Variants in VPS13C observed in about 807,000 individuals in gnomAD.
The protein encoded by VPS13C is vacuolar protein sorting 13 homolog C.
A neutral mutation model predicts 456.8 loss-of-function variants in VPS13C; 358 were observed. That is an observed-to-expected ratio of 0.78 (90% CI 0.72 to 0.86). The LOEUF is 0.86. VPS13C is among the 40% of genes least tolerant of loss of function. The pLI, the probability that VPS13C is intolerant of heterozygous loss-of-function variation, is 0.00. For synonymous variants in VPS13C, 1,578 were observed against 1,486.7 expected (o/e 1.06, Z -1.41); for missense variants, 4,818 against 4,385.4 (o/e 1.10, Z -2.79).
intron 1 of VPS13C, among the ~76,000 whole-genome samples, chr15:62,047,299 TG>T (rs2048442887): frequency 6.6e-6 from 1 of 151,758 alleles, no homozygotes. Context: ...ATGGGCATGG[TG>T]GCATGAGCCT....
rs768184321 is a variant in VPS13C at position 61,884,287 on chromosome 15, A to G, written c.9342-18T>C. ...CACCAGAACTAAATAATTCACACAA[A>G]AAAATTAAATTAGCAATATGTATTT... On this transcript the variant is annotated intron_variant, in intron 67 of 84. Coordinates refer to ENST00000644861, the MANE Select transcript of VPS13C (RefSeq NM_020821.3). The G allele has an allele frequency of 6.9e-6, 11 of 1,605,314 alleles. No individual in the cohort carries two copies. The East Asian group carries it at 2.2e-4, about 33-fold the overall frequency.
At chr15:61,964,896 C>T in intron 30 of VPS13C, 35 bp from the exon 31 acceptor site, 1 of 1,581,640 alleles carries the variant, frequency 6.3e-7, no homozygotes. Context: ...TAGTTTTCCA[C>T]AGCCAATTAT....
At chr15:61,961,512 G>A in intron 35 of VPS13C, 77 bp downstream of exon 35, 1 of 1,376,226 alleles carries the variant, frequency 7.3e-7, no homozygotes, top group Non-Finnish European at 9.7e-7. Context: ...ACTGTGTTGG[G>A]TAGGAATTTC....
In VPS13C at chr15:61,878,740, A is replaced by G. The variant is rs770691612; in HGVS notation, c.10009T>C (p.Leu3337=). 1.2e-5 allele frequency: 19 copies of G among 1,602,928 alleles called. No individual in the cohort carries two copies. The Admixed American group carries it at 2.1e-4, about 18-fold the overall frequency. Reference sequence around the variant, plus strand: ...CCTCCGGAACCCAAAGACAAACTCAAATGCAACTAAAAGAAAAATAATGTT... The same window carrying G: ...CCTCCGGAACCCAAAGACAAACTCAGATGCAACTAAAAGAAAAATAATGTT... ...HFHISPVKLH[L]SLSLGSGGEE... The change falls in exon 74 of 85, where the codon TTG becomes CTG. Residue 3337 remains leucine (L), a synonymous_variant. Coordinates refer to ENST00000644861, the MANE Select transcript of VPS13C (RefSeq NM_020821.3).
chr15:61,938,276 G>A (rs2044295066), intron 47 of VPS13C, among the ~76,000 whole-genome samples: 1 of 151,884 alleles, frequency 6.6e-6, no homozygotes, highest in Non-Finnish European at 1.5e-5. Flanking sequence ...TGGGGTGGGG[G>A]GGGAACAAGT....
Position 61,915,716 on chromosome 15 carries a change from C to T in VPS13C, c.8362G>A (p.Asp2788Asn). 2 of 1,614,064 alleles carry T rather than the reference C, an allele frequency of 1.2e-6. No individual in the cohort carries two copies. Among genetic ancestry groups the T allele is most frequent in the Non-Finnish European group, 1.7e-6 (2 of 1,179,998 alleles). ...TTRVLQYRSE[D>N]IHVKHPADFR... ...TCAGCTGGATGTTTCACATGAATAT[C>T]TTCTGAACGATACTGGAGAACCCGG... The change falls in exon 61 of 85, where the codon GAT (aspartate) becomes AAT (asparagine). Residue 2788 changes from aspartate (D) to asparagine (N), a missense_variant. By Grantham distance (23) the Asp-to-Asn change is conservative (BLOSUM62 1). Transcript: ENST00000644861.
At chr15:61,864,945 T>A (rs1346828953) in intron 81 of VPS13C, 1 of 979,978 alleles carries the variant, frequency 1.0e-6, no homozygotes, top group Non-Finnish European at 1.2e-6. Flanking sequence ...ACTTTCTATC[T>A]TGTATGTATT....
chr15:62,051,441 C>A (rs2048614280), intron 1 of VPS13C, among the ~76,000 whole-genome samples: 1 of 152,182 alleles, frequency 6.6e-6, no homozygotes, highest in Non-Finnish European at 1.5e-5. Context: ...AAATGACTAG[C>A]CCAAGAATCC....
intron 64 of VPS13C, 50 bp downstream of exon 64, chr15:61,910,127 A>C (rs1321294806): frequency 9.3e-7 from 1 of 1,074,184 alleles, no homozygotes; most frequent in Non-Finnish European, 1.2e-6. Flanking sequence ...AAAGTATAAT[A>C]AAAAATTAAA....
chr15:62,000,845 G>A (rs866238280), intron 15 of VPS13C, among the ~76,000 whole-genome samples: 24 of 152,132 alleles, frequency 1.6e-4, no homozygotes, highest in Middle Eastern at 6.8e-3. Context: ...ATTAAATATA[G>A]TATGAAAATA....
chr15:61,949,505 G>C lies in VPS13C; in HGVS notation c.4697C>G (p.Ser1566Cys). ...TGGTTTCAGCTCGGATTCCTTCTCA[G>C]AAGAGGAAGGCTCAGAGAATGGAGC... ...SAAPFSEPSS[S>C]EKESELKPLV... Residue 1566 changes from serine (S) to cysteine (C), a missense_variant, in exon 42 of 85, where the codon TCT becomes TGT. Transcript: ENST00000644861. 1 of 1,613,614 alleles carries C rather than the reference G, an allele frequency of 6.2e-7. No individual in the cohort carries two copies. Among genetic ancestry groups the C allele is most frequent in the South Asian group, 1.1e-5 (1 of 90,948 alleles).
intron 9 of VPS13C, among the ~76,000 whole-genome samples, chr15:62,018,347 G>A (rs2047335330): frequency 6.6e-6 from 1 of 151,890 alleles, no homozygotes; most frequent in Admixed American, 6.6e-5. Flanking sequence ...GTGAGAGAGG[G>A]CATCCCTGTC....
At chr15:61,904,789 T>A (rs2043107172) in intron 66 of VPS13C, among the ~76,000 whole-genome samples, 1 of 152,112 alleles carries the variant, frequency 6.6e-6, no homozygotes, top group Admixed American at 6.5e-5. Flanking sequence ...GAATGTAATA[T>A]TATTCAGTAA....
rs186777161 is a variant in VPS13C, at chr15:61,885,386, T to C, written c.9342-1117A>G. Reference sequence around the variant, plus strand: ...AAAAATTAATTTCCAAAGCCACTATTATTGGTGTTTAGTCATAGTGGTTGA... The same window carrying C: ...AAAAATTAATTTCCAAAGCCACTATCATTGGTGTTTAGTCATAGTGGTTGA... On this transcript the variant is annotated intron_variant, in intron 67 of 84. Coordinates refer to ENST00000644861, the MANE Select transcript of VPS13C (RefSeq NM_020821.3). 1.9e-3 allele frequency among the ~76,000 whole-genome samples: 286 copies of C among 152,254 alleles called. 5 individuals carry two copies. Among genetic ancestry groups the C allele is most frequent in the Admixed American group, 0.018 (270 of 15,284 alleles).
chr15:61,972,378 G>A (rs1296859881), intron 27 of VPS13C, among the ~76,000 whole-genome samples: 2 of 152,102 alleles, frequency 1.3e-5, no homozygotes, highest in Non-Finnish European at 1.5e-5. Context: ...AGCTCTTCCA[G>A]AATAAATTAG....
intron 79 of VPS13C, among the ~76,000 whole-genome samples, chr15:61,870,374 T>C (rs1894929926): frequency 6.6e-6 from 1 of 152,156 alleles, no homozygotes; most frequent in African/African-American, 2.4e-5. Context: ...CAAATGGAAT[T>C]ATGTAATATG....
At chr15:62,005,047 C>T (rs2046782989) in intron 15 of VPS13C, among the ~76,000 whole-genome samples, 1 of 151,896 alleles carries the variant, frequency 6.6e-6, no homozygotes, top group East Asian at 1.9e-4. Context: ...CCGCTTGGTG[C>T]AGAGCTGAGT....
At chr15:62,010,984 A>G (rs1464773918) in intron 12 of VPS13C, among the ~76,000 whole-genome samples, 2 of 152,146 alleles carry the variant, frequency 1.3e-5, no homozygotes, top group Admixed American at 1.3e-4. Flanking sequence ...GATCTGATAA[A>G]TTTGTCTTAT....
intron 1 of VPS13C, among the ~76,000 whole-genome samples, chr15:62,050,145 C>T (rs2048569968): frequency 6.6e-6 from 1 of 152,094 alleles, no homozygotes. Context: ...CTCTATGTGT[C>T]TAATCCTTTA....
Sources: allele counts gnomAD v4.1 joint callset (sites outside exome capture counted in the v4.1 genomes callset), GRCh38; gene constraint gnomAD v4.1.1; transcripts MANE v1.5; gene names NCBI Gene and HGNC (gene_info 2026-07-23, HGNC 2026-07-21).